The following TASOR2 variants were observed in gnomAD, a reference collection of about 807,000 sequenced individuals.
The protein encoded by TASOR2 is protein TASOR 2.
TASOR2 carries 84 observed loss-of-function variants against 199.5 expected under a neutral mutation model. The ratio of observed to expected loss-of-function variants is 0.42; its 90% CI spans 0.35 to 0.50. The LOEUF (loss-of-function observed/expected upper bound fraction) is 0.50, where lower values mean the gene tolerates loss of function less well. Among genes scored for constraint, TASOR2 ranks in the 20% least tolerant of loss-of-function variants. TASOR2 has a pLI of 0.02. For synonymous variants in TASOR2, 1,103 were observed against 1,046.6 expected (o/e 1.05, Z -1.04); for missense variants, 2,796 against 2,835.9 (o/e 0.99, Z 0.32).
intron 11 of TASOR2, among the ~76,000 whole-genome samples, 171 bp downstream of exon 12, chr10:5,731,374 C>T (rs1156757764): frequency 1.3e-5 from 2 of 152,102 alleles, no homozygotes; most frequent in Non-Finnish European, 2.9e-5. Flanking sequence ...ACTAAAAATA[C>T]AAAATTAGTT....
chr10:5,737,063 A>G lies in TASOR2; in HGVS notation c.1447+1517A>G, dbSNP rs548563163. ...CAACCTCTGCCTCCCAGGTTCAAGC[A>G]GTTTTCCTGCCTCAGTCTCCCGAGT... On this transcript the variant is annotated intron_variant, in intron 12 of 20. Transcript: ENST00000328090. The surrounding 1 kb of genome is among the most constrained non-coding windows in gnomAD (Gnocchi z 4.9). Among the ~76,000 whole-genome samples the G allele has an allele frequency of 9.2e-5, 14 of 152,218 alleles. No homozygotes were observed. In the South Asian group the frequency reaches 2.9e-3, roughly 32 times the overall value.
intron 1 of TASOR2, among the ~76,000 whole-genome samples, chr10:5,704,003 C>T (rs1004809217): frequency 2.0e-5 from 3 of 151,620 alleles, no homozygotes; most frequent in Admixed American, 1.3e-4. Flanking sequence ...TGGGTGGATC[C>T]ACCTGAGGTC....
At chr10:5,695,447 A>T (rs1437529740) in intron 1 of TASOR2, among the ~76,000 whole-genome samples, 1 of 152,336 alleles carries the variant, frequency 6.6e-6, no homozygotes, top group East Asian at 1.9e-4. Flanking sequence ...ATTAGTATGT[A>T]TTGATTTGGT....
intron 1 of TASOR2, among the ~76,000 whole-genome samples, chr10:5,702,537 A>C (rs1039612112): frequency 6.6e-6 from 1 of 151,836 alleles, no homozygotes; most frequent in Non-Finnish European, 1.5e-5. Context: ...TTCCTCTTTA[A>C]ATGTTTGGTA....
exon 15 of TASOR2, chr10:5,749,616 C>T: frequency 1.2e-6 from 2 of 1,614,140 alleles, no homozygotes; most frequent in South Asian, 1.1e-5. Context: ...GTCTGGACAG[C>T]TCTTCCTCTT....
chr10:5,757,869 T>C (rs1839190930), intron 17 of TASOR2, among the ~76,000 whole-genome samples, 196 bp downstream of exon 18: 1 of 152,154 alleles, frequency 6.6e-6, no homozygotes, highest in Admixed American at 6.5e-5. Flanking sequence ...TCACCTCTTT[T>C]AACTGATTCT....
chr10:5,696,741 G>C (rs376460679), intron 1 of TASOR2, among the ~76,000 whole-genome samples: 3 of 152,226 alleles, frequency 2.0e-5, no homozygotes, highest in African/African-American at 7.2e-5. Flanking sequence ...TAATGAAAAA[G>C]AGACCAAGTA....
In TASOR2 at chr10:5,721,097, G is replaced by A. The variant is rs1403530045; in HGVS notation, c.146+127G>A. ...CAACTGTTCTTGATTTTAGATGAGGGTATATTTGGGTAAATGTATAGCACA... is the reference window on the plus strand; with the variant it reads ...CAACTGTTCTTGATTTTAGATGAGGATATATTTGGGTAAATGTATAGCACA... On this transcript the variant is annotated intron_variant, in intron 6 of 20. Coordinates refer to ENST00000328090, the Ensembl canonical transcript of TASOR2. The A allele has an allele frequency of 6.1e-6, 4 of 656,570 alleles. No homozygotes were observed. In the East Asian group the frequency reaches 8.2e-5, roughly 13 times the overall value. The allele number at this position is 656,570 out of a possible 1,614,324, so 40.7% of individuals were successfully genotyped here.
At chr10:5,747,065 T>C (rs1462394793) in exon 15 of TASOR2, 1 of 1,614,118 alleles carries the variant, frequency 6.2e-7, no homozygotes, top group African/African-American at 1.3e-5. Context: ...TCTACCACCT[T>C]GGGAAGGCAG....
chr10:5,712,340 A>AC (rs1832030274), intron 1 of TASOR2: 3 of 1,203,578 alleles, frequency 2.5e-6, no homozygotes, highest in Non-Finnish European at 2.1e-6. Context: ...GTCTCCCTTA[A>AC]CCCCATCCTT....
Position 5,690,958 on chromosome 10 carries a change from C to T in TASOR2, c.-288+5783C>T, listed in dbSNP as rs572213586. Among the ~76,000 whole-genome samples, 14 of 151,900 alleles carry T rather than the reference C, an allele frequency of 9.2e-5. No homozygotes were observed. Among genetic ancestry groups the T allele is most frequent in the Admixed American group, 1.3e-4 (2 of 15,254 alleles). ...CTGTAATCCCAGCACTTTGGGAGGC[C>T]GAGGTGGGTGGATCACAAGGTCAGG... On this transcript the variant is annotated intron_variant, in intron 1 of 20. Coordinates refer to ENST00000328090, the Ensembl canonical transcript of TASOR2. The surrounding 1 kb of genome is among the most constrained non-coding windows in gnomAD (Gnocchi z 4.8).
intron 6 of TASOR2, 132 bp from the exon 8 acceptor site, chr10:5,723,545 C>A (rs563466260): frequency 1.9e-5 from 9 of 473,458 alleles, no homozygotes; most frequent in Non-Finnish European, 3.0e-5. Flanking sequence ...TATTATTTAA[C>A]CTGGAGCTTA....
chr10:5,684,944 C>CGGGCGGCCGCGGCGTCCCTGT lies in TASOR2; in HGVS notation c.-518_-498dup, dbSNP rs1252834725. The CGGGCGGCCGCGGCGTCCCTGT allele has an allele frequency of 4.0e-4, 159 of 397,890 alleles. 1 individual carries two copies. The Admixed American group carries it at 5.9e-3, about 15-fold the overall frequency. The allele number at this position is 397,890 out of a possible 1,614,324, so 24.6% of individuals were successfully genotyped here. A position where few individuals can be genotyped will look rare whatever the true frequency, so the allele number is the denominator to read the frequency against. The stretch of plus-strand genomic sequence containing the variant: ...CGTGACCCTGACGGGAGACAGAGCG[C>CGGGCGGCCGCGGCGTCCCTGT]GGGCGGCCGCGGCGTCCCTGTCAGC... On this transcript the variant is annotated 5_prime_UTR_variant, in exon 1 of 21. Coordinates refer to ENST00000328090, the Ensembl canonical transcript of TASOR2.
intron 11 of TASOR2, among the ~76,000 whole-genome samples, chr10:5,733,718 C>G (rs1249612756): frequency 6.6e-6 from 1 of 151,946 alleles, no homozygotes; most frequent in African/African-American, 2.4e-5. Flanking sequence ...AGAAAGTTTC[C>G]CCCTGGGTCT....
chr10:5,719,099 G>C lies in TASOR2; in HGVS notation c.-100+1349G>C, dbSNP rs977039942. Among the ~76,000 whole-genome samples, 5 of 152,054 alleles carry C rather than the reference G, an allele frequency of 3.3e-5. No homozygotes were observed. Among genetic ancestry groups the C allele is most frequent in the African/African-American group, 1.2e-4 (5 of 41,398 alleles). On this transcript the variant is annotated intron_variant, in intron 3 of 20. Transcript: ENST00000328090. This position sits in a 1 kb window ranked among gnomAD's most constrained non-coding sequence, Gnocchi z 4.1. ...TTTACATTTTTTGGCTTGGTGGTTT[G>C]GCCTTTGGTGGGTCTGTAAATGAAG...
At chr10:5,717,027 C>CAA (rs71388471) in intron 2 of TASOR2, among the ~76,000 whole-genome samples, 1 of 124,684 alleles carries the variant, frequency 8.0e-6, no homozygotes, top group African/African-American at 2.9e-5. Flanking sequence ...GCTTACATCT[C>CAA]AAAAAAAAAA....
chr10:5,706,578 G>A lies in TASOR2; in HGVS notation c.-287-6245G>A, dbSNP rs1838643283. ...TCCAGAGGATATTGTTAGTTCTCTA[G>A]AATTTCAAGCTGAAATAATGATTGG... is the stretch of plus-strand genomic sequence containing the variant. On this transcript the variant is annotated intron_variant, in intron 1 of 20. Transcript: ENST00000328090. This position sits in a 1 kb window ranked among gnomAD's most constrained non-coding sequence, Gnocchi z 4.8. Among the ~76,000 whole-genome samples, 1 of 152,146 alleles carries A rather than the reference G, an allele frequency of 6.6e-6. No individual in the cohort carries two copies. Among genetic ancestry groups the A allele is most frequent in the Non-Finnish European group, 1.5e-5 (1 of 68,028 alleles).
rs757587391 is a variant in TASOR2, at chr10:5,731,082, T to C, written c.1083T>C (p.Ser361=). The change falls in exon 11 of 21, where the codon AGT becomes AGC. Residue 361 remains serine, a synonymous_variant. Transcript: ENST00000328090. ...CCAGCATGCCCCACATGGTGCAGAG[T>C]AAAAAGGTGAACTTGTGCCGCCCCT... 1.9e-6 allele frequency: 3 copies of C among 1,613,722 alleles called. No homozygotes were observed. In the African/African-American group the frequency reaches 4.0e-5, roughly 22 times the overall value.
chr10:5,759,925 T>G (rs1839537141), intron 18 of TASOR2, among the ~76,000 whole-genome samples: 1 of 152,182 alleles, frequency 6.6e-6, no homozygotes, highest in South Asian at 2.1e-4. Flanking sequence ...GGGAAAAACG[T>G]CAACTTCGGT....
Sources: gnomAD v4.1 joint callset for allele counts (sites outside exome capture counted in the v4.1 genomes callset) on GRCh38, gnomAD v4.1.1 for gene constraint, Gnocchi (gnomAD v3.1) non-coding constraint, MANE v1.5 for transcripts, NCBI Gene and HGNC (gene_info 2026-07-23, HGNC 2026-07-21) for gene names.